Variants in STRBP observed in about 807,000 individuals in gnomAD.
STRBP encodes spermatid perinuclear RNA binding protein.
In STRBP, 13 loss-of-function variants were observed where a neutral mutation model predicts 80.1. The ratio of observed to expected loss-of-function variants is 0.16; its 90% CI spans 0.11 to 0.26. STRBP has a LOEUF of 0.26. Among genes scored for constraint, STRBP ranks in the 10% least tolerant of loss-of-function variants. STRBP has a pLI of 1.00. For missense variants in STRBP, 485 were observed against 815.2 expected (o/e 0.59, Z 4.93); for synonymous variants, 284 against 291.2 (o/e 0.98, Z 0.25).
chr9:123,164,089 C>T (rs1377171651), intron 6 of STRBP, among the ~76,000 whole-genome samples: 2 of 152,108 alleles, frequency 1.3e-5, no homozygotes, highest in Non-Finnish European at 2.9e-5. Flanking sequence ...CTCTGTAGCC[C>T]AGCTGGAGTG....
intron 13 of STRBP, among the ~76,000 whole-genome samples, chr9:123,143,387 T>G (rs2036673995): frequency 6.6e-6 from 1 of 152,256 alleles, no homozygotes; most frequent in Non-Finnish European, 1.5e-5. Flanking sequence ...CAGGCCAGAC[T>G]CATGTGAAAC....
At chr9:123,167,701 C>T (rs914205891) in intron 6 of STRBP, among the ~76,000 whole-genome samples, 3 of 152,120 alleles carry the variant, frequency 2.0e-5, no homozygotes, top group Non-Finnish European at 4.4e-5. Flanking sequence ...AAGCTGATTC[C>T]TTCACCTTAC....
intron 6 of STRBP, among the ~76,000 whole-genome samples, chr9:123,168,917 C>T (rs964485565): frequency 2.4e-4 from 37 of 152,126 alleles, no homozygotes; most frequent in Admixed American, 1.5e-3. Context: ...ATGAGGATGA[C>T]GCTGCCAGAC....
At chr9:123,212,864 T>A (rs2039759306) in intron 2 of STRBP, among the ~76,000 whole-genome samples, 5 of 152,210 alleles carry the variant, frequency 3.3e-5, no homozygotes. Flanking sequence ...TCTCAGTATT[T>A]CACAGATAAA....
intron 6 of STRBP, among the ~76,000 whole-genome samples, chr9:123,161,899 T>C (rs928121121): frequency 3.3e-5 from 5 of 152,242 alleles, no homozygotes; most frequent in African/African-American, 7.2e-5. Context: ...TCTAAGCTAC[T>C]GAAAAGTAGG....
rs2040797216 is a variant in STRBP at position 123,246,229 on chromosome 9, T to C, written c.-301-9263A>G. Among the ~76,000 whole-genome samples, 4 of 152,330 alleles carry C rather than the reference T, an allele frequency of 2.6e-5. No homozygotes were observed. In the South Asian group the frequency reaches 8.3e-4, roughly 32 times the overall value. On this transcript the variant is annotated intron_variant, in intron 1 of 18. Coordinates refer to ENST00000348403, the MANE Select transcript of STRBP (RefSeq NM_018387.5). ...GGTACAGAACATGAAACATTTCGAA[T>C]GAAGTATTCTTTTCCAACTGCATGT...
Position 123,133,366 on chromosome 9 carries a change from C to T in STRBP, c.1774-398G>A, listed in dbSNP as rs140592042. 2.6e-3 allele frequency among the ~76,000 whole-genome samples: 390 copies of T among 152,174 alleles called. 2 individuals carry two copies. Among genetic ancestry groups the T allele is most frequent in the Non-Finnish European group, 4.3e-3 (291 of 68,020 alleles). ...GCAACTAATTACATAGAATTAACTG[C>T]GAATCTGAGTGGGGCTAGTGGGGGG... On this transcript the variant is annotated intron_variant, in intron 16 of 18. Transcript: ENST00000348403.
At chr9:123,204,923 C>CAAAAAA (rs34576355) in intron 2 of STRBP, among the ~76,000 whole-genome samples, 2 of 54,554 alleles carry the variant, frequency 3.7e-5, no homozygotes, top group African/African-American at 1.2e-4. Context: ...GACTCCATCT[C>CAAAAAA]AAAAAAAAAA....
intron 2 of STRBP, among the ~76,000 whole-genome samples, chr9:123,184,915 A>T (rs953178613): frequency 1.3e-5 from 2 of 152,118 alleles, no homozygotes; most frequent in Non-Finnish European, 2.9e-5. Flanking sequence ...TCCTGACTTC[A>T]TTACCCCTGG....
chr9:123,171,691 G>A (rs1289227228), intron 5 of STRBP, among the ~76,000 whole-genome samples: 1 of 152,056 alleles, frequency 6.6e-6, no homozygotes, highest in East Asian at 1.9e-4. Context: ...ATTTATTGTT[G>A]GAGAAATCTA....
At chr9:123,214,908 T>TA (rs541043662) in intron 2 of STRBP, among the ~76,000 whole-genome samples, 412 of 152,288 alleles carry the variant, frequency 2.7e-3, no homozygotes, top group African/African-American at 9.6e-3. Flanking sequence ...TCTGGGCATA[T>TA]AGATTGCTTC....
intron 1 of STRBP, among the ~76,000 whole-genome samples, chr9:123,258,533 G>A (rs1200004078): frequency 6.6e-6 from 1 of 152,214 alleles, no homozygotes; most frequent in Admixed American, 6.5e-5. Context: ...GCCAGGCGTG[G>A]TGGCTCACGC....
In STRBP at chr9:123,258,757, G is replaced by C. The variant is rs912202396; in HGVS notation, c.-302+9679C>G. Among the ~76,000 whole-genome samples the C allele has an allele frequency of 4.6e-5, 7 of 150,642 alleles. No homozygotes were observed. In the South Asian group the frequency reaches 6.3e-4, roughly 14 times the overall value. ...CAGAGCTTGCAGTGAGCCAAGATCGGGCCACTGCACTCCAGCCTGGGTGAC... is the reference window on the plus strand; with the variant it reads ...CAGAGCTTGCAGTGAGCCAAGATCGCGCCACTGCACTCCAGCCTGGGTGAC... On this transcript the variant is annotated intron_variant, in intron 1 of 18. Transcript: ENST00000348403.
chr9:123,182,083 T>C (rs2038491720), intron 3 of STRBP, among the ~76,000 whole-genome samples: 1 of 150,822 alleles, frequency 6.6e-6, no homozygotes, highest in Non-Finnish European at 1.5e-5. Flanking sequence ...GGTATGGTGG[T>C]ACACCCCTAC....
chr9:123,223,696 T>C (rs889487614), intron 2 of STRBP, among the ~76,000 whole-genome samples: 18 of 152,292 alleles, frequency 1.2e-4, no homozygotes, highest in African/African-American at 4.3e-4. Context: ...TGAGTTCATA[T>C]AGATAATTCC....
intron 6 of STRBP, among the ~76,000 whole-genome samples, chr9:123,167,176 A>G (rs2037804389): frequency 6.6e-6 from 1 of 152,096 alleles, no homozygotes; most frequent in African/African-American, 2.4e-5. Context: ...AGAAAAAAGA[A>G]AGATGTGAGG....
At chr9:123,199,397 T>C (rs1355262979) in intron 2 of STRBP, among the ~76,000 whole-genome samples, 2 of 152,242 alleles carry the variant, frequency 1.3e-5, no homozygotes, top group African/African-American at 2.4e-5. Context: ...TTTAGGATTG[T>C]TTTTTCTAAT....
intron 1 of STRBP, among the ~76,000 whole-genome samples, chr9:123,246,242 T>C (rs2040797450): frequency 6.6e-6 from 1 of 152,202 alleles, no homozygotes. Flanking sequence ...AGTATTCTTT[T>C]CCAACTGCAT....
intron 2 of STRBP, among the ~76,000 whole-genome samples, chr9:123,198,134 CCTA>C (rs1460451246): frequency 2.0e-5 from 3 of 151,668 alleles, no homozygotes; most frequent in African/African-American, 7.3e-5. Context: ...ATGTCTTTTG[CCTA>C]CTTTTTATTT....
Sources: allele counts gnomAD v4.1 joint callset (sites outside exome capture counted in the v4.1 genomes callset), GRCh38; gene constraint gnomAD v4.1.1; transcripts MANE v1.5; gene names NCBI Gene and HGNC (gene_info 2026-07-23, HGNC 2026-07-21).